Variants in CORO2B observed in about 807,000 individuals in gnomAD.
CORO2B encodes the protein coronin 2B, also known as coronin-2B.
Under a neutral mutation model 58.8 loss-of-function variants are expected in CORO2B, and 26 were observed. That is an observed-to-expected ratio of 0.44 (90% CI 0.32 to 0.61). The LOEUF (loss-of-function observed/expected upper bound fraction) is 0.61, where lower values mean the gene tolerates loss of function less well. CORO2B is among the 20% of genes least tolerant of loss of function. The probability of loss-of-function intolerance (pLI) is 0.04; values close to 1 mark genes in which losing one functional copy is unlikely to be tolerated. For synonymous variants in CORO2B, 242 were observed against 253.8 expected, an observed-to-expected ratio of 0.95 and a Z score of 0.44; for missense variants, 460 against 645.1, an observed-to-expected ratio of 0.71 and a Z score of 3.11.
chr15:68,589,426 C>T (rs966262325), intron 1 of CORO2B, among the ~76,000 whole-genome samples: 2 of 152,226 alleles, frequency 1.3e-5, no homozygotes, highest in African/African-American at 2.4e-5. Flanking sequence ...TGGAGCAAAC[C>T]TAAAACATTC....
chr15:68,582,947 A>G (rs1030260989), intron 1 of CORO2B, among the ~76,000 whole-genome samples: 5 of 152,202 alleles, frequency 3.3e-5, no homozygotes, highest in African/African-American at 4.8e-5. Context: ...GAGCAGCACA[A>G]TTGCCTGCTG....
the CORO2B span, among the ~76,000 whole-genome samples, chr15:68,568,011 T>TC: frequency 6.6e-6 from 1 of 151,616 alleles, no homozygotes; most frequent in African/African-American, 2.4e-5. Flanking sequence ...AGAGTGAGAG[T>TC]CCATCTCAAA....
chr15:68,536,234 A>G, the CORO2B span, among the ~76,000 whole-genome samples: 1 of 152,218 alleles, frequency 6.6e-6, no homozygotes, highest in Non-Finnish European at 1.5e-5. Context: ...CTTGATCTCC[A>G]TGTACGTTGG....
chr15:68,545,170 C>T, the CORO2B span, among the ~76,000 whole-genome samples: 26 of 152,274 alleles, frequency 1.7e-4, no homozygotes, highest in Non-Finnish European at 3.4e-4. Context: ...GAGTGACACA[C>T]GCTGGAGGAA....
intron 11 of CORO2B, among the ~76,000 whole-genome samples, chr15:68,721,577 G>A (rs12911382): frequency 0.17 from 26,522 of 151,900 alleles, 2,863 homozygotes; most frequent in Non-Finnish European, 0.24. Context: ...GTGGTGGTGC[G>A]CGCCTGTAAT....
chr15:68,554,143 C>G, the CORO2B span, among the ~76,000 whole-genome samples: 4 of 152,126 alleles, frequency 2.6e-5, no homozygotes. Context: ...CTGGTACCAC[C>G]TGAGTATGGG....
At chr15:68,684,055 A>G (rs953940973) in intron 2 of CORO2B, among the ~76,000 whole-genome samples, 54 of 152,184 alleles carry the variant, frequency 3.5e-4, no homozygotes, top group African/African-American at 1.2e-3. Context: ...AAATTAGGCA[A>G]CAGTGTGTAA....
chr15:68,550,024 A>G, the CORO2B span, among the ~76,000 whole-genome samples: 1 of 152,052 alleles, frequency 6.6e-6, no homozygotes, highest in African/African-American at 2.4e-5. Context: ...GCTTCTCTCA[A>G]TCTTGGCAAG....
chr15:68,715,893 T>TAA (rs1037069248), intron 8 of CORO2B, among the ~76,000 whole-genome samples: 9 of 152,234 alleles, frequency 5.9e-5, no homozygotes, highest in African/African-American at 2.2e-4. Flanking sequence ...ACTAACCTGG[T>TAA]AATGCATATG....
the CORO2B span, among the ~76,000 whole-genome samples, chr15:68,559,027 A>T: frequency 2.0e-5 from 3 of 152,074 alleles, no homozygotes; most frequent in Admixed American, 2.0e-4. This position sits in a 1 kb window ranked among gnomAD's most constrained non-coding sequence, Gnocchi z 4.3. Flanking sequence ...GTCAGTAAAT[A>T]TGTTCGGAGA....
the CORO2B span, among the ~76,000 whole-genome samples, chr15:68,571,641 A>G: frequency 6.6e-6 from 1 of 152,242 alleles, no homozygotes; most frequent in African/African-American, 2.4e-5. Context: ...ACATTTTAAA[A>G]TCAAATTGTT....
intron 2 of CORO2B, among the ~76,000 whole-genome samples, chr15:68,688,314 T>C (rs907025052): frequency 5.3e-5 from 8 of 152,204 alleles, no homozygotes; most frequent in African/African-American, 1.7e-4. Context: ...TTCTTGTAGA[T>C]TGGTTTTTTT....
At chr15:68,607,893 C>T (rs1900163916) in intron 1 of CORO2B, among the ~76,000 whole-genome samples, 1 of 152,034 alleles carries the variant, frequency 6.6e-6, no homozygotes, top group Non-Finnish European at 1.5e-5. Context: ...ACCAGGACTC[C>T]AGGAACAGAT....
intron 1 of CORO2B, among the ~76,000 whole-genome samples, chr15:68,580,083 T>G (rs935375733): frequency 2.6e-5 from 4 of 152,254 alleles, no homozygotes; most frequent in Non-Finnish European, 5.9e-5. Context: ...ATCCCCTGGA[T>G]GACCTTGGTC....
the CORO2B span, among the ~76,000 whole-genome samples, chr15:68,572,203 C>T: frequency 6.6e-6 from 1 of 152,216 alleles, no homozygotes; most frequent in African/African-American, 2.4e-5. Context: ...CAGTCACTGG[C>T]AGCAGCTGCA....
chr15:68,723,927 C>T (rs567920823), intron 11 of CORO2B, among the ~76,000 whole-genome samples: 11 of 151,614 alleles, frequency 7.3e-5, no homozygotes, highest in African/African-American at 1.2e-4. Context: ...AAAAGTAGGC[C>T]GGGGTGGTGG....
chr15:68,591,253 A>G (rs1437107595), intron 1 of CORO2B, among the ~76,000 whole-genome samples: 2 of 152,260 alleles, frequency 1.3e-5, no homozygotes, highest in Admixed American at 6.5e-5. Context: ...ATCTTCCCTC[A>G]GTCTTCCAGC....
At chr15:68,546,063 G>A in the CORO2B span, among the ~76,000 whole-genome samples, 32 of 152,234 alleles carry the variant, frequency 2.1e-4, no homozygotes, top group African/African-American at 7.0e-4. Context: ...ACAGTGAGCC[G>A]TCCTTGCCAC....
At chr15:68,591,014 G>A (rs771742998) in intron 1 of CORO2B, among the ~76,000 whole-genome samples, 1 of 152,220 alleles carries the variant, frequency 6.6e-6, no homozygotes, top group South Asian at 2.1e-4. Flanking sequence ...GCCCTAAGCG[G>A]CATTGAGGGT....
Sources: allele counts gnomAD v4.1 joint callset (sites outside exome capture counted in the v4.1 genomes callset), GRCh38; gene constraint gnomAD v4.1.1; non-coding constraint Gnocchi (gnomAD v3.1); transcripts MANE v1.5; gene names NCBI Gene and HGNC (gene_info 2026-07-23, HGNC 2026-07-21).